The following PPWD1 variants were observed in gnomAD, a reference collection of about 807,000 sequenced individuals.
PPWD1 encodes peptidylprolyl isomerase domain and WD repeat-containing protein 1.
Under a neutral mutation model 68.8 loss-of-function variants are expected in PPWD1, and 43 were observed. The observed-to-expected ratio is 0.62, with a 90% confidence interval of 0.49 to 0.81. PPWD1 has a LOEUF of 0.81. Among genes scored for constraint, PPWD1 ranks in the 30% least tolerant of loss-of-function variants. The pLI is 0.00. For missense variants in PPWD1, 672 were observed against 804.8 expected (o/e 0.83, Z 2.00); for synonymous variants, 232 against 258.7 (o/e 0.90, Z 0.99).
In PPWD1 at chr5:65,573,553, TA is replaced by T. The variant is rs1554122245; in HGVS notation, c.969+1269del. Among the ~76,000 whole-genome samples, 89 of 57,398 alleles carry T rather than the reference TA, an allele frequency of 1.6e-3. 10 individuals carry two copies. Among genetic ancestry groups the T allele is most frequent in the African/African-American group, 6.3e-3 (79 of 12,600 alleles). The allele number at this position is 57,398 out of a possible 152,430, so 37.7% of individuals were successfully genotyped here. On this transcript the variant is annotated intron_variant, in intron 5 of 10. Transcript: ENST00000261308. Reference sequence around the variant, plus strand: ...TTTTTTTTTTTTTTTTTTTTTTTTTTAAGTACAGACGGGTTTCACCGTGTTA... The same window carrying T: ...TTTTTTTTTTTTTTTTTTTTTTTTTTAGTACAGACGGGTTTCACCGTGTTA...
chr5:65,573,476 T>TATATATATATATATATATATATATATATA (rs201295161), intron 5 of PPWD1, among the ~76,000 whole-genome samples: 7 of 59,676 alleles, frequency 1.2e-4, no homozygotes, highest in Admixed American at 3.6e-4. Context: ...TATATATATA[T>TATATATATATATATATATATATATATATA]TTTTTTTTTA....
rs1753321405 is a variant in PPWD1 at position 65,576,988 on chromosome 5, A to G, written c.1079A>G (p.Asn360Ser). ...AAGGTTGATGCTGTAAGATTAATTA[A>G]TATAGTTTTTGATGAAACTGGACAC... ...LEKVDAVRLI[N>S]IVFDETGHFV... The change falls in exon 6 of 11, where the codon AAT (asparagine) becomes AGT (serine). Residue 360 changes from asparagine to serine, a missense_variant. Around this residue, in one of 2 missense-constraint regions of PPWD1, gnomAD observed 484 missense variants for 646.2 expected, o/e 0.75. Coordinates refer to ENST00000261308, the MANE Select transcript of PPWD1 (RefSeq NM_015342.4). 6.2e-7 allele frequency: 1 copy of G among 1,614,194 alleles called. No homozygotes were observed. Among genetic ancestry groups the G allele is most frequent in the Non-Finnish European group, 8.5e-7 (1 of 1,180,014 alleles).
intron 5 of PPWD1, among the ~76,000 whole-genome samples, chr5:65,573,516 G>GTTTGTTTTTTTTTTTTT (rs1753122949): frequency 1.9e-4 from 3 of 15,438 alleles, no homozygotes; most frequent in African/African-American, 6.8e-4. Context: ...AGTACAGATG[G>GTTTGTTTTTTTTTTTTT]TTTTTTTTTT....
At chr5:65,572,424 C>T (rs979808611) in intron 5 of PPWD1, 138 bp downstream of exon 5, 4 of 931,428 alleles carry the variant, frequency 4.3e-6, no homozygotes, top group Middle Eastern at 3.4e-4. Flanking sequence ...AGATATTCAA[C>T]TGTTTCTGTC....
chr5:65,581,590 C>T (rs1162823581), intron 7 of PPWD1, among the ~76,000 whole-genome samples: 5 of 151,838 alleles, frequency 3.3e-5, no homozygotes, highest in Non-Finnish European at 5.9e-5. Flanking sequence ...TATTGCTAAA[C>T]AAAAACAGGC....
rs1406504168 is a variant in PPWD1 at position 65,587,527 on chromosome 5, T to A, written c.*131T>A. ...GATACAGTATTTTTGTATTTTTTAT[T>A]AAAGGCTATTTTTTAAAAATTACCT... On this transcript the variant is annotated 3_prime_UTR_variant, in exon 11 of 11. Transcript: ENST00000261308. 6.8e-6 allele frequency: 5 copies of A among 737,844 alleles called. No individual in the cohort carries two copies. The highest frequency in any genetic ancestry group is 9.7e-6 in the Non-Finnish European group (5 of 513,072). 45.7% of individuals were successfully genotyped at this position (737,844 alleles called of 1,614,324 possible). A position where few individuals can be genotyped will look rare whatever the true frequency, so the allele number is the denominator to read the frequency against.
At chr5:65,563,973 A>T in intron 1 of PPWD1, 1 of 795,874 alleles carries the variant, frequency 1.3e-6, no homozygotes, top group South Asian at 1.7e-5. Flanking sequence ...CAACTCTGAC[A>T]CTTCCACTAA....
At chr5:65,580,846 G>C (rs1753562690) in intron 7 of PPWD1, among the ~76,000 whole-genome samples, 1 of 152,138 alleles carries the variant, frequency 6.6e-6, no homozygotes, top group East Asian at 1.9e-4. Flanking sequence ...GTCTGAGTTA[G>C]ATGTGCCTGC....
rs1225150687 is a variant in PPWD1, at chr5:65,585,091, T to G, written c.1610T>G (p.Ile537Ser). The G allele has an allele frequency of 1.2e-6, 2 of 1,607,244 alleles. No homozygotes were observed. The highest frequency in any genetic ancestry group is 3.4e-5 in the Admixed American group (2 of 59,696). Residue 537 changes from isoleucine (I) to serine (S), a missense_variant, in exon 9 of 11, where the codon ATT (isoleucine) becomes AGT (serine). Transcript: ENST00000261308. ...AATGGGCATACATTTCACCGTATAA[T>G]TAAGGTAAGTTACATAAATTTCATG... Reference protein sequence around the residue: ...YYNGHTFHRIIKGFMIQTGDP... With the variant: ...YYNGHTFHRISKGFMIQTGDP...
intron 1 of PPWD1, among the ~76,000 whole-genome samples, chr5:65,566,151 C>T (rs1471266368): frequency 6.6e-6 from 1 of 152,144 alleles, no homozygotes; most frequent in Non-Finnish European, 1.5e-5. Context: ...GAATCTGGAT[C>T]AGATAGGATT....
At chr5:65,567,777 A>G (rs1327123406) in intron 2 of PPWD1, 162 bp downstream of exon 2, 1 of 1,246,900 alleles carries the variant, frequency 8.0e-7, no homozygotes, top group African/African-American at 1.5e-5. Flanking sequence ...ATATCGTACA[A>G]ATAATGCATT....
At chr5:65,581,020 A>C (rs1753572467) in intron 7 of PPWD1, among the ~76,000 whole-genome samples, 1 of 152,208 alleles carries the variant, frequency 6.6e-6, no homozygotes, top group Non-Finnish European at 1.5e-5. Context: ...AAAGTTAGGA[A>C]ATGACTACAG....
chr5:65,565,154 A>G (rs999300214), intron 1 of PPWD1, among the ~76,000 whole-genome samples: 2 of 152,188 alleles, frequency 1.3e-5, no homozygotes, highest in African/African-American at 4.8e-5. Context: ...TTCTAATTAT[A>G]TATTTATTCA....
rs140843173 is a variant in PPWD1 at position 65,565,683 on chromosome 5, C to T, written c.197-1830C>T. ...ATTAGCCGGGCGTGGTGGCGCACAC[C>T]TATAATCTCAGCTATTCAGGAGGCT... On this transcript the variant is annotated intron_variant, in intron 1 of 10. Coordinates refer to ENST00000261308, the MANE Select transcript of PPWD1 (RefSeq NM_015342.4). Among the ~76,000 whole-genome samples, 541 of 151,978 alleles carry T rather than the reference C, an allele frequency of 3.6e-3. 1 individual carries two copies. Among genetic ancestry groups the T allele is most frequent in the African/African-American group, 0.012 (499 of 41,442 alleles).
In PPWD1 at chr5:65,576,999, G is replaced by A. The variant is rs748540617; in HGVS notation, c.1090G>A (p.Asp364Asn). The change falls in exon 6 of 11, where the codon GAT becomes AAT. Residue 364 changes from aspartate (D) to asparagine (N), a missense_variant. By Grantham distance (23) the Asp-to-Asn change is conservative. Around this residue, in one of 2 missense-constraint regions of PPWD1, gnomAD observed 484 missense variants for 646.2 expected, o/e 0.75. Transcript: ENST00000261308. ...DAVRLINIVF[D>N]ETGHFVLYGT... is the part of the protein sequence containing the mutation. ...TGTAAGATTAATTAATATAGTTTTT[G>A]ATGAAACTGGACACTTCGTGCTGTA... The A allele has an allele frequency of 6.2e-7, 1 of 1,614,132 alleles. No individual in the cohort carries two copies. The highest frequency in any genetic ancestry group is 2.2e-5 in the East Asian group (1 of 44,872).
rs1205952162 is a variant in PPWD1, at chr5:65,570,016, T to C, written c.521+18T>C. 3 of 1,592,478 alleles carry C rather than the reference T, an allele frequency of 1.9e-6. No individual in the cohort carries two copies. Among genetic ancestry groups the C allele is most frequent in the Non-Finnish European group, 2.6e-6 (3 of 1,165,750 alleles). ...AAACTTGGGTGAGTCTTTTTAAAAG[T>C]ATATATATTTTAACTTATTGAAGTA... is the stretch of plus-strand genomic sequence containing the variant. On this transcript the variant is annotated intron_variant, in intron 4 of 10. Transcript: ENST00000261308.
intron 8 of PPWD1, among the ~76,000 whole-genome samples, chr5:65,583,515 C>G (rs994287717): frequency 2.0e-5 from 3 of 152,152 alleles, no homozygotes; most frequent in African/African-American, 7.2e-5. Context: ...CTGTTAACAG[C>G]ACATCTGAAC....
At position 65,566,724 on chromosome 5, in the gene PPWD1, T is replaced by C. The variant is rs1054699562; in HGVS notation, c.197-789T>C. On this transcript the variant is annotated intron_variant, in intron 1 of 10. Transcript: ENST00000261308. ...TCGTTCCCTCCTTCCTTCCCTTCTT[T>C]CTCTTCCTTCTTCTCTCCCTCCCTC... Among the ~76,000 whole-genome samples the C allele has an allele frequency of 7.3e-5, 11 of 151,678 alleles. No individual in the cohort carries two copies. The South Asian group carries it at 8.3e-4, about 11-fold the overall frequency.
At chr5:65,570,470 C>T in intron 4 of PPWD1, 3 of 378,538 alleles carry the variant, frequency 7.9e-6, no homozygotes, top group Non-Finnish European at 1.1e-5. Flanking sequence ...TTGTTTTAAG[C>T]ATGTCTTTTT....
Sources: allele counts gnomAD v4.1 joint callset (sites outside exome capture counted in the v4.1 genomes callset), GRCh38; gene constraint gnomAD v4.1.1; regional missense constraint gnomAD v4.1.1; transcripts MANE v1.5; gene names NCBI Gene and HGNC (gene_info 2026-07-23, HGNC 2026-07-21).